Variants in USP13 observed in about 807,000 individuals in gnomAD.
The protein encoded by USP13 is ubiquitin specific peptidase 13.
Under a neutral mutation model 107.8 loss-of-function variants are expected in USP13, and 68 were observed. That is an observed-to-expected ratio of 0.63 (90% confidence interval 0.52 to 0.77). The LOEUF (loss-of-function observed/expected upper bound fraction) is 0.77. Ranked by LOEUF, USP13 falls within the 30% of genes least tolerant of loss-of-function variation. The pLI is 0.00. For missense variants in USP13, 945 were observed against 1,093.3 expected (o/e 0.86, Z 1.91); for synonymous variants, 377 against 389.5 (o/e 0.97, Z 0.38).
At chr3:179,748,839 A>C (rs1260803414) in intron 13 of USP13, among the ~76,000 whole-genome samples, 1 of 152,186 alleles carries the variant, frequency 6.6e-6, no homozygotes, top group Non-Finnish European at 1.5e-5. Context: ...TTGGTATGCA[A>C]CCTTGGCCAA....
At chr3:179,662,633 C>T (rs1576907735) in intron 1 of USP13, among the ~76,000 whole-genome samples, 1 of 152,224 alleles carries the variant, frequency 6.6e-6, no homozygotes, top group East Asian at 1.9e-4. Flanking sequence ...GCCATGTGTA[C>T]CCTAAAATCC....
intron 8 of USP13, among the ~76,000 whole-genome samples, chr3:179,727,246 G>A (rs1157769691): frequency 7.2e-6 from 1 of 139,254 alleles, no homozygotes; most frequent in African/African-American, 2.7e-5. Flanking sequence ...GGACAATAGT[G>A]GAGGGAAGGT....
intron 8 of USP13, among the ~76,000 whole-genome samples, chr3:179,724,693 G>A (rs1713452025): frequency 6.6e-6 from 1 of 152,052 alleles, no homozygotes; most frequent in Non-Finnish European, 1.5e-5. Flanking sequence ...TGACAACCAA[G>A]GTAGATTGCT....
intron 8 of USP13, among the ~76,000 whole-genome samples, chr3:179,728,023 C>T (rs1221106525): frequency 1.8e-5 from 1 of 56,178 alleles, no homozygotes; most frequent in African/African-American, 5.4e-5. Flanking sequence ...AGGTGGGGGG[C>T]TGATCCCCAC....
chr3:179,656,253 C>T (rs1015424192), intron 1 of USP13, among the ~76,000 whole-genome samples: 1 of 152,130 alleles, frequency 6.6e-6, no homozygotes, highest in Admixed American at 6.5e-5. Context: ...GAGGTAGAAC[C>T]AAGTAGAGAG....
intron 16 of USP13, among the ~76,000 whole-genome samples, chr3:179,760,322 C>T (rs752141612): frequency 1.1e-3 from 146 of 128,794 alleles, no homozygotes; most frequent in Non-Finnish European, 1.7e-3. Context: ...CTCACTCTTT[C>T]GCCCAGGCTG....
At chr3:179,764,747 C>A (rs1425436069) in intron 18 of USP13, among the ~76,000 whole-genome samples, 1 of 152,122 alleles carries the variant, frequency 6.6e-6, no homozygotes, top group East Asian at 1.9e-4. Context: ...TCTGTTTAAT[C>A]TTGAGGGAAG....
At chr3:179,734,669 T>A (rs1713923588) in intron 10 of USP13, among the ~76,000 whole-genome samples, 1 of 152,224 alleles carries the variant, frequency 6.6e-6, no homozygotes. Flanking sequence ...TGAGTAATAG[T>A]TCGGGAATGC....
chr3:179,674,076 A>G (rs1720822733), intron 1 of USP13, among the ~76,000 whole-genome samples: 1 of 152,074 alleles, frequency 6.6e-6, no homozygotes, highest in African/African-American at 2.4e-5. Flanking sequence ...TATTTTTAGT[A>G]GAGGCGGGGT....
chr3:179,697,310 G>T (rs2108470801), intron 3 of USP13, among the ~76,000 whole-genome samples: 2 of 152,298 alleles, frequency 1.3e-5, no homozygotes, highest in East Asian at 3.9e-4. Context: ...ATGTTCTTTT[G>T]AAGGTAAATA....
chr3:179,708,995 G>C, intron 6 of USP13, 38 bp downstream of exon 6: 1 of 1,598,198 alleles, frequency 6.3e-7, no homozygotes, highest in Admixed American at 1.7e-5. Flanking sequence ...ACATGCAGTG[G>C]CTTCCTCTTA....
intron 1 of USP13, among the ~76,000 whole-genome samples, chr3:179,681,062 T>C (rs1711636679): frequency 6.6e-6 from 1 of 152,194 alleles, no homozygotes; most frequent in Admixed American, 6.5e-5. Context: ...AGCATGTTTA[T>C]TTCCTAGAGC....
intron 13 of USP13, among the ~76,000 whole-genome samples, chr3:179,747,113 G>C (rs1714438979): frequency 6.6e-6 from 1 of 152,168 alleles, no homozygotes; most frequent in Non-Finnish European, 1.5e-5. Flanking sequence ...TTGTAGGTGT[G>C]GGTGGTTGTG....
chr3:179,720,554 T>C (rs1011534641), intron 7 of USP13, among the ~76,000 whole-genome samples: 10 of 152,228 alleles, frequency 6.6e-5, no homozygotes, highest in Non-Finnish European at 5.9e-5. Context: ...ACTATTTCAA[T>C]GTGCGTTTCG....
intron 1 of USP13, among the ~76,000 whole-genome samples, chr3:179,673,717 G>T (rs747320318): frequency 5.3e-5 from 8 of 152,172 alleles, no homozygotes; most frequent in Non-Finnish European, 1.2e-4. Context: ...TGCTGTGAAG[G>T]CTGCAGGCCT....
At position 179,761,128 on chromosome 3, in the gene USP13, G is replaced by A; in HGVS notation, c.1965G>A (p.Glu655=). The A allele has an allele frequency of 1.2e-6, 2 of 1,614,210 alleles. No homozygotes were observed. Among genetic ancestry groups the A allele is most frequent in the Non-Finnish European group, 1.7e-6 (2 of 1,180,034 alleles). ...GCTCTGTAGCATCAGACATCGATGA[G>A]TCATCAGTGATGCAGCTGGCCGAGA... The part of the protein sequence containing the change: ...NQLIDPSDID[E]SSVMQLAEMG... The change falls in exon 17 of 21, where the codon GAG becomes GAA. Residue 655 remains glutamate, a synonymous_variant. Transcript: ENST00000263966.
At chr3:179,778,464 G>C (rs1309964286) in intron 19 of USP13, among the ~76,000 whole-genome samples, 1 of 152,118 alleles carries the variant, frequency 6.6e-6, no homozygotes, top group Non-Finnish European at 1.5e-5. Context: ...ACGTGCACAA[G>C]TAAGAATGTG....
In USP13 at chr3:179,780,229, A is replaced by T. The variant is rs1576997981; in HGVS notation, c.2414-1510A>T. ...TAACATTGTACAGGAGGTTCTAGCCATTGCAGTTAGGCAAGAAAAAGAAGT... is the reference window on the plus strand; with the variant it reads ...TAACATTGTACAGGAGGTTCTAGCCTTTGCAGTTAGGCAAGAAAAAGAAGT... On this transcript the variant is annotated intron_variant, in intron 19 of 20. Transcript: ENST00000263966. 5.3e-5 allele frequency among the ~76,000 whole-genome samples: 8 copies of T among 152,236 alleles called. No homozygotes were observed. The South Asian group carries it at 1.7e-3, about 31-fold the overall frequency.
At chr3:179,657,762 CAAAA>C (rs35377039) in intron 1 of USP13, among the ~76,000 whole-genome samples, 4,127 of 73,670 alleles carry the variant, frequency 0.056, 48 homozygotes, top group African/African-American at 0.068. Context: ...AATTCCGTCT[CAAAA>C]AAAAAAAAAA....
Sources: gnomAD v4.1 joint callset for allele counts (sites outside exome capture counted in the v4.1 genomes callset) on GRCh38, gnomAD v4.1.1 for gene constraint, MANE v1.5 for transcripts, NCBI Gene and HGNC (gene_info 2026-07-23, HGNC 2026-07-21) for gene names.